The following FGF14 variants were observed in gnomAD, a reference collection of about 807,000 sequenced individuals.
FGF14 encodes the protein fibroblast growth factor homologous factor 4.
In FGF14, 5 loss-of-function variants were observed where a neutral mutation model predicts 25.5. The observed-to-expected ratio is 0.20, with a 90% CI of 0.10 to 0.41. The LOEUF is 0.41. Ranked by LOEUF, FGF14 falls within the 10% of genes least tolerant of loss-of-function variation. The pLI is 1.00. For synonymous variants in FGF14, 138 were observed against 118.3 expected (o/e 1.17, Z -1.08); for missense variants, 222 against 320.1 (o/e 0.69, Z 2.34).
chr13:102,308,537 T>C, intron 1 of FGF14, among the ~76,000 whole-genome samples: 1 of 152,280 alleles, frequency 6.6e-6, no homozygotes, highest in South Asian at 2.1e-4. Flanking sequence ...CAACTTCTTA[T>C]AATGTTCTAG....
chr13:101,728,089 G>A (rs1163095706), intron 3 of FGF14, among the ~76,000 whole-genome samples: 1 of 152,128 alleles, frequency 6.6e-6, no homozygotes, highest in South Asian at 2.1e-4. Flanking sequence ...ATGTCATGTA[G>A]AAATTTCCTT....
intron 1 of FGF14, among the ~76,000 whole-genome samples, chr13:102,192,041 G>A (rs2049144937): frequency 2.0e-5 from 3 of 152,142 alleles, no homozygotes; most frequent in South Asian, 4.1e-4. Context: ...AGTGGATCCT[G>A]CCTCCAGGCT....
chr13:102,081,256 G>A (rs1348703026), intron 1 of FGF14, among the ~76,000 whole-genome samples: 1 of 152,216 alleles, frequency 6.6e-6, no homozygotes, highest in African/African-American at 2.4e-5. Context: ...AGAGAGAATT[G>A]CATCATCTTG....
intron 1 of FGF14, among the ~76,000 whole-genome samples, chr13:102,370,128 A>G (rs1366140924): frequency 6.6e-6 from 1 of 152,134 alleles, no homozygotes; most frequent in African/African-American, 2.4e-5. Flanking sequence ...AGTAGCTGGA[A>G]TGACAGGCAT....
intron 1 of FGF14, among the ~76,000 whole-genome samples, chr13:102,050,390 T>C (rs1288774919): frequency 6.6e-6 from 1 of 152,120 alleles, no homozygotes; most frequent in African/African-American, 2.4e-5. Flanking sequence ...ATCTCTTCCA[T>C]CACCATAACC....
At chr13:102,033,391 C>T (rs1247064382) in intron 1 of FGF14, among the ~76,000 whole-genome samples, 1 of 151,782 alleles carries the variant, frequency 6.6e-6, no homozygotes. Context: ...GAAGCCTTAG[C>T]TTAGATCAAT....
At chr13:101,927,223 G>T (rs1028234257) in intron 1 of FGF14, among the ~76,000 whole-genome samples, 1 of 152,296 alleles carries the variant, frequency 6.6e-6, no homozygotes. Context: ...AGCGGCCATT[G>T]CACTTGACAG....
intron 1 of FGF14, among the ~76,000 whole-genome samples, chr13:101,878,070 C>T (rs536836902): frequency 5.3e-5 from 8 of 152,264 alleles, no homozygotes; most frequent in Admixed American, 2.0e-4. Flanking sequence ...TACGTATGCA[C>T]CTTACCGCAG....
chr13:101,809,643 C>G (rs115764595), intron 3 of FGF14, among the ~76,000 whole-genome samples: 1,763 of 152,132 alleles, frequency 0.012, 33 homozygotes, highest in African/African-American at 0.04. Context: ...GGCAAAAGAT[C>G]TAGTTAGAGT....
chr13:101,739,406 G>A (rs183678397), intron 3 of FGF14, among the ~76,000 whole-genome samples: 25 of 152,006 alleles, frequency 1.6e-4, no homozygotes, highest in African/African-American at 1.7e-4. Context: ...ACTAATGATC[G>A]TATTATTACA....
chr13:101,716,767 CA>C lies in FGF14; in HGVS notation c.*6063del, dbSNP rs1305211926. 1 of 132,190 alleles carries C rather than the reference CA, an allele frequency of 7.6e-6. No individual in the cohort carries two copies. Among genetic ancestry groups the C allele is most frequent in the Non-Finnish European group, 1.6e-5 (1 of 63,582 alleles). The allele number at this position is 132,190 out of a possible 1,614,324, so 8.2% of individuals were successfully genotyped here. A position where few individuals can be genotyped will look rare whatever the true frequency, so the allele number is the denominator to read the frequency against. ...GAGAAATACTGTGATAAAATGGCAC[CA>C]ATCTCAGAAGCTCACAAAAGACCAA... On this transcript the variant is annotated 3_prime_UTR_variant, in exon 5 of 5. Transcript: ENST00000376143.
intron 1 of FGF14, among the ~76,000 whole-genome samples, chr13:101,952,002 T>A (rs2036195359): frequency 6.6e-6 from 1 of 152,238 alleles, no homozygotes; most frequent in South Asian, 2.1e-4. Flanking sequence ...CCATTGTGTT[T>A]AATACTTTGT....
intron 3 of FGF14, among the ~76,000 whole-genome samples, chr13:101,765,504 T>C (rs963723995): frequency 6.6e-6 from 1 of 152,130 alleles, no homozygotes; most frequent in Non-Finnish European, 1.5e-5. Flanking sequence ...ATGGCCTCCA[T>C]GGAGGCAAGC....
At chr13:101,776,340 A>G (rs2039102271) in intron 3 of FGF14, among the ~76,000 whole-genome samples, 1 of 152,160 alleles carries the variant, frequency 6.6e-6, no homozygotes, top group African/African-American at 2.4e-5. Context: ...TGTTATGATG[A>G]CCACCTTAAC....
chr13:102,001,377 G>A (rs981478342), intron 1 of FGF14, among the ~76,000 whole-genome samples: 3 of 152,136 alleles, frequency 2.0e-5, no homozygotes, highest in African/African-American at 4.8e-5. Context: ...AAAGCCTTAT[G>A]ACAGGAAAAC....
intron 3 of FGF14, among the ~76,000 whole-genome samples, chr13:101,845,458 G>A (rs1050350457): frequency 6.6e-6 from 1 of 151,980 alleles, no homozygotes; most frequent in African/African-American, 2.4e-5. Flanking sequence ...CAAATGTAAA[G>A]GTGAATGATT....
At chr13:101,901,140 C>G (rs2138984444) in intron 1 of FGF14, among the ~76,000 whole-genome samples, 1 of 151,836 alleles carries the variant, frequency 6.6e-6, no homozygotes, top group South Asian at 2.1e-4. Context: ...TAGGTTGTCT[C>G]CTGGATTTTA....
upstream of FGF14, among the ~76,000 whole-genome samples, chr13:101,916,990 C>T (rs1042296138): frequency 7.9e-5 from 12 of 151,654 alleles, no homozygotes; most frequent in Non-Finnish European, 1.6e-4. Flanking sequence ...CGGCGGGGGT[C>T]GCCACCGCCA....
chr13:102,116,350 C>T (rs1341103876), intron 1 of FGF14, among the ~76,000 whole-genome samples: 1 of 151,804 alleles, frequency 6.6e-6, no homozygotes, highest in Non-Finnish European at 1.5e-5. Flanking sequence ...AATTTTACTC[C>T]TAGGGGTGTG....
Sources: gnomAD v4.1 joint callset for allele counts (sites outside exome capture counted in the v4.1 genomes callset) on GRCh38, gnomAD v4.1.1 for gene constraint, MANE v1.5 for transcripts, NCBI Gene and HGNC (gene_info 2026-07-23, HGNC 2026-07-21) for gene names.